The following PRKAR2A variants were observed in gnomAD, a reference collection of about 807,000 sequenced individuals.
PRKAR2A encodes the protein protein kinase cAMP-dependent type II regulatory subunit alpha.
In PRKAR2A, 29 loss-of-function variants were observed where a neutral mutation model predicts 51.9. That is an observed-to-expected ratio of 0.56 (90% confidence interval 0.42 to 0.76). The LOEUF is 0.76. PRKAR2A is among the 30% of genes least tolerant of loss of function. The probability of loss-of-function intolerance (pLI) is 0.00; values close to 1 mark genes in which losing one functional copy is unlikely to be tolerated. For missense variants in PRKAR2A, 445 were observed against 512.1 expected (o/e 0.87, Z 1.26); for synonymous variants, 178 against 186.2 (o/e 0.96, Z 0.36).
chr3:48,760,274 C>G (rs978941951), intron 8 of PRKAR2A, among the ~76,000 whole-genome samples: 1 of 151,804 alleles, frequency 6.6e-6, no homozygotes, highest in South Asian at 2.1e-4. Flanking sequence ...GAAGAATCAC[C>G]TGAACTGGGG....
At chr3:48,783,467 A>G (rs2082235583) in intron 4 of PRKAR2A, among the ~76,000 whole-genome samples, 1 of 152,256 alleles carries the variant, frequency 6.6e-6, no homozygotes, top group South Asian at 2.1e-4. Flanking sequence ...GTTGACCTTA[A>G]CAGGAGCATC....
chr3:48,806,201 A>G (rs1575907703), intron 2 of PRKAR2A, among the ~76,000 whole-genome samples: 1 of 152,318 alleles, frequency 6.6e-6, no homozygotes, highest in East Asian at 1.9e-4. Context: ...AACATAAATG[A>G]GCCGATTTTC....
intron 1 of PRKAR2A, among the ~76,000 whole-genome samples, chr3:48,836,000 T>A (rs1187441279): frequency 6.6e-6 from 1 of 152,128 alleles, no homozygotes; most frequent in African/African-American, 2.4e-5. Flanking sequence ...TTTTCTTTTT[T>A]TTCCCCATGT....
intron 1 of PRKAR2A, among the ~76,000 whole-genome samples, chr3:48,839,431 G>A (rs1000408338): frequency 1.3e-4 from 19 of 150,670 alleles, no homozygotes; most frequent in Non-Finnish European, 1.6e-4. Context: ...CTGAGAGACC[G>A]GCAAGTATAA....
At chr3:48,831,185 T>C (rs1458735438) in intron 1 of PRKAR2A, among the ~76,000 whole-genome samples, 1 of 152,172 alleles carries the variant, frequency 6.6e-6, no homozygotes, top group Admixed American at 6.5e-5. Context: ...ACATGTAATG[T>C]GTTGTAACAC....
chr3:48,804,793 G>A (rs2082648401), intron 2 of PRKAR2A, among the ~76,000 whole-genome samples: 1 of 152,190 alleles, frequency 6.6e-6, no homozygotes. Flanking sequence ...TCAAAGAATG[G>A]AAGGCCAGAC....
rs2081567263 is a variant in PRKAR2A at position 48,746,761 on chromosome 3, C to G, written c.*4824G>C. The G allele has an allele frequency of 6.6e-6, 1 of 152,130 alleles. No individual in the cohort carries two copies. The highest frequency in any genetic ancestry group is 2.1e-4 in the South Asian group (1 of 4,828). The allele number at this position is 152,130 out of a possible 1,614,324, so 9.4% of individuals were successfully genotyped here. A position where few individuals can be genotyped will look rare whatever the true frequency, so the allele number is the denominator to read the frequency against. ...GATCACGTTTCAATCACTTATTCTT[C>G]TGAGATTAAAATACAAGATTAAAAC... is the stretch of plus-strand genomic sequence containing the variant. On this transcript the variant is annotated 3_prime_UTR_variant, in exon 11 of 11. Transcript: ENST00000265563.
intron 5 of PRKAR2A, among the ~76,000 whole-genome samples, chr3:48,776,405 A>G (rs2082105676): frequency 1.3e-5 from 2 of 152,200 alleles, no homozygotes; most frequent in Non-Finnish European, 2.9e-5. Context: ...ATAATAGTAA[A>G]AACTATATGT....
chr3:48,789,918 CCT>C (rs1376334179), intron 4 of PRKAR2A, among the ~76,000 whole-genome samples: 2 of 150,990 alleles, frequency 1.3e-5, no homozygotes, highest in Non-Finnish European at 2.9e-5. Flanking sequence ...TCCCTCTCTC[CCT>C]CTCTTTTCTT....
At chr3:48,811,449 TG>T (rs1056555269) in intron 1 of PRKAR2A, among the ~76,000 whole-genome samples, 31 of 152,180 alleles carry the variant, frequency 2.0e-4, no homozygotes, top group Non-Finnish European at 1.5e-5. Context: ...CACTCTAGCC[TG>T]GGTGACAGAG....
intron 6 of PRKAR2A, among the ~76,000 whole-genome samples, chr3:48,770,275 T>C (rs559100815): frequency 1.5e-4 from 23 of 152,162 alleles, no homozygotes; most frequent in Admixed American, 7.2e-4. Context: ...CCCCTGAAGT[T>C]CAAAAGAGAA....
chr3:48,787,153 ATTATTTATTTAT>A (rs56116620), intron 4 of PRKAR2A, among the ~76,000 whole-genome samples: 272 of 149,794 alleles, frequency 1.8e-3, no homozygotes, highest in African/African-American at 4.8e-3. Context: ...GAGAAAAGTA[ATTATTTATTTAT>A]TTATTTATTT....
At position 48,846,462 on chromosome 3, in the gene PRKAR2A, C is replaced by CGGG. The variant is rs2083464377; in HGVS notation, c.262+872_262+873insCCC. Reference sequence around the variant, plus strand: ...GAACTCCTGACCTCAGGTGATCCACCCGCCTCGGCCTCCCAAAGTGCTGGG... The same window carrying CGGG: ...GAACTCCTGACCTCAGGTGATCCACCGGGCGCCTCGGCCTCCCAAAGTGCTGGG... On this transcript the variant is annotated intron_variant, in intron 1 of 10. Coordinates refer to ENST00000265563, the MANE Select transcript of PRKAR2A (RefSeq NM_004157.4). Among the ~76,000 whole-genome samples, 9 of 152,280 alleles carry CGGG rather than the reference C, an allele frequency of 5.9e-5. No individual in the cohort carries two copies. In the South Asian group the frequency reaches 1.7e-3, roughly 28 times the overall value.
chr3:48,787,264 C>T (rs2082309788), intron 4 of PRKAR2A, among the ~76,000 whole-genome samples: 1 of 152,056 alleles, frequency 6.6e-6, no homozygotes, highest in Non-Finnish European at 1.5e-5. Context: ...TAGCTCACTG[C>T]AAACTCTGCC....
chr3:48,763,273 T>G (rs1037706464), intron 8 of PRKAR2A, among the ~76,000 whole-genome samples: 5 of 152,104 alleles, frequency 3.3e-5, no homozygotes, highest in Non-Finnish European at 7.4e-5. Flanking sequence ...GAAGCCTTGG[T>G]CCAGTGAGAG....
At chr3:48,808,422 G>A (rs1241383630) in intron 1 of PRKAR2A, among the ~76,000 whole-genome samples, 1 of 152,140 alleles carries the variant, frequency 6.6e-6, no homozygotes, top group Non-Finnish European at 1.5e-5. Context: ...CCCAGCTAAT[G>A]TGTTGTATTT....
chr3:48,791,320 G>A (rs555036745), intron 3 of PRKAR2A, among the ~76,000 whole-genome samples: 1 of 150,052 alleles, frequency 6.7e-6, no homozygotes, highest in East Asian at 2.0e-4. Context: ...AAAAGGGCTG[G>A]GCGTGGTGGC....
intron 4 of PRKAR2A, among the ~76,000 whole-genome samples, chr3:48,786,100 A>C (rs1303969796): frequency 6.6e-6 from 1 of 151,678 alleles, no homozygotes; most frequent in Non-Finnish European, 1.5e-5. Context: ...ACTATGAAAA[A>C]TATCTGGCAG....
chr3:48,751,555 A>T lies in PRKAR2A; in HGVS notation c.*30T>A, dbSNP rs1333187486. 1 of 1,603,928 alleles carries T rather than the reference A, an allele frequency of 6.2e-7. No homozygotes were observed. Among genetic ancestry groups the T allele is most frequent in the Non-Finnish European group, 8.5e-7 (1 of 1,173,046 alleles). On this transcript the variant is annotated 3_prime_UTR_variant, in exon 11 of 11. Transcript: ENST00000265563. ...TGGCTGACCAGAAGGTTTTGGTGTCACACTAAGAAGGCTCTGGGGTGTGGC... is the reference window on the plus strand; with the variant it reads ...TGGCTGACCAGAAGGTTTTGGTGTCTCACTAAGAAGGCTCTGGGGTGTGGC...
Sources: gnomAD v4.1 joint callset for allele counts (sites outside exome capture counted in the v4.1 genomes callset) on GRCh38, gnomAD v4.1.1 for gene constraint, MANE v1.5 for transcripts, NCBI Gene and HGNC (gene_info 2026-07-23, HGNC 2026-07-21) for gene names.